The following MCU variants were observed in gnomAD, a reference collection of about 807,000 sequenced individuals.
The protein encoded by MCU is mitochondrial calcium uniporter, also known as calcium uniporter protein, mitochondrial.
In MCU, 12 loss-of-function variants were observed where a neutral mutation model predicts 45.2. The observed-to-expected ratio is 0.27, with a 90% CI of 0.17 to 0.43. The LOEUF is 0.43. MCU is among the 20% of genes least tolerant of loss of function. The probability of loss-of-function intolerance (pLI) is 1.00; values close to 1 mark genes in which losing one functional copy is unlikely to be tolerated. For synonymous variants in MCU, 160 were observed against 165.1 expected (o/e 0.97, Z 0.24); for missense variants, 324 against 436.7 (o/e 0.74, Z 2.30).
intron 1 of MCU, among the ~76,000 whole-genome samples, chr10:72,775,554 C>T (rs370306156): frequency 5.9e-5 from 9 of 151,754 alleles, no homozygotes; most frequent in African/African-American, 1.5e-4. Flanking sequence ...TAAATGAAAT[C>T]GAAACCAAAA....
chr10:72,766,494 T>C (rs1843728865), intron 1 of MCU: 1 of 152,320 alleles, frequency 6.6e-6, no homozygotes, highest in East Asian at 1.9e-4. Flanking sequence ...AAGTCATGAA[T>C]TAGAAATCTG....
intron 1 of MCU, among the ~76,000 whole-genome samples, chr10:72,760,308 C>G (rs1413692754): frequency 6.6e-6 from 1 of 151,958 alleles, no homozygotes; most frequent in Non-Finnish European, 1.5e-5. Context: ...ATCTCAGCCT[C>G]TCAAAGTATG....
At chr10:72,879,294 T>G (rs1358014437) in intron 6 of MCU, among the ~76,000 whole-genome samples, 1 of 151,914 alleles carries the variant, frequency 6.6e-6, no homozygotes, top group Non-Finnish European at 1.5e-5. Context: ...AAATTTCCAT[T>G]GAGATATATT....
At chr10:72,849,489 G>T (rs1845174536) in intron 2 of MCU, among the ~76,000 whole-genome samples, 1 of 152,096 alleles carries the variant, frequency 6.6e-6, no homozygotes, top group Non-Finnish European at 1.5e-5. Flanking sequence ...ATGGCTGTGG[G>T]AGACCCAATT....
intron 1 of MCU, among the ~76,000 whole-genome samples, chr10:72,774,840 A>G (rs1843866368): frequency 1.3e-5 from 2 of 152,150 alleles, no homozygotes; most frequent in African/African-American, 4.8e-5. Context: ...TTCAGCAAGA[A>G]GATATACCAA....
At chr10:72,704,105 G>A (rs3009552) in intron 1 of MCU, among the ~76,000 whole-genome samples, 95,178 of 151,970 alleles carry the variant, frequency 0.63, 31,326 homozygotes, top group African/African-American at 0.72. Flanking sequence ...GGAGAATCAG[G>A]TGATCAGGTA....
intron 1 of MCU, among the ~76,000 whole-genome samples, chr10:72,702,652 G>A (rs1348718330): frequency 6.6e-6 from 1 of 152,170 alleles, no homozygotes; most frequent in African/African-American, 2.4e-5. Context: ...TGAGAGCTGA[G>A]GAAGGCTTCA....
intron 4 of MCU, among the ~76,000 whole-genome samples, chr10:72,862,782 G>A (rs1051024368): frequency 2.6e-5 from 4 of 152,040 alleles, no homozygotes; most frequent in Non-Finnish European, 5.9e-5. Context: ...GTTTAGGCCT[G>A]GTAAGGTGGC....
intron 2 of MCU, among the ~76,000 whole-genome samples, chr10:72,853,496 C>T (rs1357239219): frequency 2.0e-5 from 3 of 152,116 alleles, no homozygotes; most frequent in Non-Finnish European, 4.4e-5. Flanking sequence ...ATGAAGAAAG[C>T]CTCAGTGACC....
chr10:72,881,380 A>G (rs1313873116), intron 6 of MCU, among the ~76,000 whole-genome samples: 1 of 152,048 alleles, frequency 6.6e-6, no homozygotes, highest in African/African-American at 2.4e-5. Context: ...AAAAGCACTA[A>G]CCATACAGGA....
chr10:72,872,467 C>CT (rs548637971), intron 6 of MCU, among the ~76,000 whole-genome samples: 7 of 152,182 alleles, frequency 4.6e-5, no homozygotes, highest in Non-Finnish European at 1.0e-4. Context: ...GGTTCAACTT[C>CT]TATGGGATCA....
At chr10:72,700,792 A>G (rs1312791849) in intron 1 of MCU, among the ~76,000 whole-genome samples, 5 of 152,202 alleles carry the variant, frequency 3.3e-5, no homozygotes, top group Non-Finnish European at 7.3e-5. Context: ...AATACTATTT[A>G]TTAATCCAGA....
intron 1 of MCU, among the ~76,000 whole-genome samples, chr10:72,750,647 A>G (rs910782824): frequency 3.9e-5 from 6 of 152,196 alleles, no homozygotes; most frequent in East Asian, 1.9e-4. Flanking sequence ...TTTGAAGTCT[A>G]TATTTAATAA....
Position 72,692,296 on chromosome 10 carries a change from C to T in MCU, c.145C>T (p.Arg49Trp). The change falls in exon 1 of 8, where the codon CGG becomes TGG. Residue 49 changes from arginine (R) to tryptophan (W), a missense_variant. Around this residue, in one of 4 missense-constraint regions of MCU, gnomAD observed 111 missense variants for 112.3 expected, o/e 0.99. Transcript: ENST00000373053. ...CCGCCACCGGCAGCAGCAGCACCAC[C>T]GGACGGTGAGCGAGCGCGCCCGGAG... ...VSRHRQQQHH[R>W]TVHQRIASWQ... 4.9e-6 allele frequency: 6 copies of T among 1,220,394 alleles called. No individual in the cohort carries two copies. Among genetic ancestry groups the T allele is most frequent in the Non-Finnish European group, 6.1e-6 (6 of 979,492 alleles). The allele number at this position is 1,220,394 out of a possible 1,614,324, so 75.6% of individuals were successfully genotyped here. A position where few individuals can be genotyped will look rare whatever the true frequency, so the allele number is the denominator to read the frequency against.
chr10:72,850,641 A>G (rs188432587), intron 2 of MCU, among the ~76,000 whole-genome samples: 1 of 152,172 alleles, frequency 6.6e-6, no homozygotes, highest in Non-Finnish European at 1.5e-5. Context: ...TCCTTCTTCA[A>G]ATGCAATTGT....
At chr10:72,852,688 C>T (rs1026011303) in intron 2 of MCU, among the ~76,000 whole-genome samples, 32 of 152,128 alleles carry the variant, frequency 2.1e-4, no homozygotes, top group African/African-American at 7.7e-4. Context: ...AAACAGAGAT[C>T]AGAGTTTGTA....
At chr10:72,700,524 C>T (rs1251703546) in intron 1 of MCU, among the ~76,000 whole-genome samples, 2 of 152,150 alleles carry the variant, frequency 1.3e-5, no homozygotes, top group Non-Finnish European at 2.9e-5. Flanking sequence ...TTGCAGTTAG[C>T]TTGTGTAAAA....
chr10:72,804,778 C>T (rs925363264), intron 1 of MCU, among the ~76,000 whole-genome samples: 2 of 152,094 alleles, frequency 1.3e-5, no homozygotes, highest in Non-Finnish European at 2.9e-5. Flanking sequence ...ACGTCTTAGC[C>T]GATAAATTTC....
Position 72,731,160 on chromosome 10 carries a change from A to G in MCU, c.150+38859A>G, listed in dbSNP as rs1333460570. 2.6e-5 allele frequency: 4 copies of G among 152,190 alleles called. No individual in the cohort carries two copies. The East Asian group carries it at 7.7e-4, about 29-fold the overall frequency. 9.4% of individuals were successfully genotyped at this position (152,190 alleles called of 1,614,324 possible). ...CACTATATTGCCCAGGCTGGTTTTGAATTGTCCGCAAGTGATCCTCAGCCT... is the reference window on the plus strand; with the variant it reads ...CACTATATTGCCCAGGCTGGTTTTGGATTGTCCGCAAGTGATCCTCAGCCT... On this transcript the variant is annotated intron_variant, in intron 1 of 7. Transcript: ENST00000373053.
Sources: allele counts gnomAD v4.1 joint callset (sites outside exome capture counted in the v4.1 genomes callset), GRCh38; gene constraint gnomAD v4.1.1; regional missense constraint gnomAD v4.1.1; transcripts MANE v1.5; gene names NCBI Gene and HGNC (gene_info 2026-07-23, HGNC 2026-07-21).